Variants in GRID1 observed in about 807,000 individuals in gnomAD.
GRID1 encodes glutamate ionotropic receptor delta type subunit 1, also known as glutamate receptor ionotropic, delta-1.
In GRID1, 28 loss-of-function variants were observed where a neutral mutation model predicts 98.0. The observed-to-expected ratio is 0.29, with a 90% confidence interval of 0.21 to 0.39. GRID1 has a LOEUF of 0.39. Among genes scored for constraint, GRID1 ranks in the 10% least tolerant of loss-of-function variants. The pLI is 1.00. For synonymous variants in GRID1, 553 were observed against 538.5 expected, an observed-to-expected ratio of 1.03 and a Z score of -0.37; for missense variants, 1,111 against 1,340.5, an observed-to-expected ratio of 0.83 and a Z score of 2.67.
At chr10:85,946,396 G>A (rs548037242) in intron 4 of GRID1, among the ~76,000 whole-genome samples, 1 of 152,274 alleles carries the variant, frequency 6.6e-6, no homozygotes, top group South Asian at 2.1e-4. Context: ...GTGTCAACTC[G>A]TGTTAAATAT....
chr10:86,342,050 C>T (rs1222928035), intron 2 of GRID1, among the ~76,000 whole-genome samples: 1 of 152,156 alleles, frequency 6.6e-6, no homozygotes, highest in African/African-American at 2.4e-5. Context: ...CCCTGGGCCC[C>T]TCCAACTGAG....
At chr10:86,314,419 C>T (rs529243147) in intron 2 of GRID1, among the ~76,000 whole-genome samples, 1 of 152,374 alleles carries the variant, frequency 6.6e-6, no homozygotes, top group East Asian at 1.9e-4. Context: ...ACTCCTTGGG[C>T]TCTGGTGATC....
intron 9 of GRID1, among the ~76,000 whole-genome samples, chr10:85,729,281 T>C (rs1199098606): frequency 6.6e-6 from 1 of 152,172 alleles, no homozygotes; most frequent in East Asian, 1.9e-4. Flanking sequence ...GAAGTCCTTT[T>C]CTAGAGCAGC....
chr10:85,665,044 T>A (rs1841004160), intron 12 of GRID1, among the ~76,000 whole-genome samples: 1 of 152,210 alleles, frequency 6.6e-6, no homozygotes, highest in Non-Finnish European at 1.5e-5. Flanking sequence ...AAGTAATTCC[T>A]CAATAAATGA....
chr10:86,087,820 C>T (rs138673567), intron 4 of GRID1, among the ~76,000 whole-genome samples: 13 of 152,216 alleles, frequency 8.5e-5, no homozygotes, highest in Non-Finnish European at 1.8e-4. Flanking sequence ...GAGACCCCAC[C>T]GTGCAAAGGC....
chr10:86,162,928 A>C (rs1231115452), intron 3 of GRID1, among the ~76,000 whole-genome samples: 1 of 152,184 alleles, frequency 6.6e-6, no homozygotes, highest in East Asian at 1.9e-4. Context: ...CTGATCCATC[A>C]TCATGGGCAT....
At chr10:86,301,426 A>C (rs1026857128) in intron 2 of GRID1, among the ~76,000 whole-genome samples, 3 of 152,242 alleles carry the variant, frequency 2.0e-5, no homozygotes, top group Admixed American at 2.0e-4. Context: ...GAAGATATAA[A>C]ATTACACAGC....
At chr10:86,024,523 C>G (rs764021944) in intron 4 of GRID1, among the ~76,000 whole-genome samples, 4 of 152,206 alleles carry the variant, frequency 2.6e-5, no homozygotes, top group Non-Finnish European at 4.4e-5. Context: ...AAATGGTACA[C>G]AGTGATCCAT....
chr10:85,608,569 T>C (rs993191362), intron 15 of GRID1, among the ~76,000 whole-genome samples: 3 of 152,206 alleles, frequency 2.0e-5, no homozygotes, highest in African/African-American at 4.8e-5. Flanking sequence ...CCCTGGCACA[T>C]AGAAAGTGCT....
Position 86,131,689 on chromosome 10 carries a change from C to T in GRID1, c.726+7130G>A, listed in dbSNP as rs1029542738. Among the ~76,000 whole-genome samples the T allele has an allele frequency of 9.2e-5, 14 of 152,294 alleles. No individual in the cohort carries two copies. The East Asian group carries it at 2.5e-3, about 27-fold the overall frequency. On this transcript the variant is annotated intron_variant, in intron 4 of 15. Transcript: ENST00000327946. Reference sequence around the variant, plus strand: ...ACCAGAAAGTCCAGCGGCACTCAGGCCTTTTTCCCTGATGATTGCTTAGAT... The same window carrying T: ...ACCAGAAAGTCCAGCGGCACTCAGGTCTTTTTCCCTGATGATTGCTTAGAT...
chr10:85,786,032 T>C (rs1019271818), intron 8 of GRID1, among the ~76,000 whole-genome samples: 15 of 151,796 alleles, frequency 9.9e-5, no homozygotes, highest in Non-Finnish European at 1.9e-4. Context: ...CACATGCACA[T>C]ACCACAGACA....
intron 2 of GRID1, among the ~76,000 whole-genome samples, chr10:86,262,237 C>T (rs1260910815): frequency 6.6e-6 from 1 of 152,228 alleles, no homozygotes; most frequent in Non-Finnish European, 1.5e-5. Flanking sequence ...GGAAGCCAGG[C>T]AGAAACCAAG....
rs572530420 is a variant in GRID1, at chr10:85,632,514, G to A, written c.2194-12481C>T. Among the ~76,000 whole-genome samples, 23 of 152,128 alleles carry A rather than the reference G, an allele frequency of 1.5e-4. 1 individual carries two copies. The highest frequency in any genetic ancestry group is 9.7e-4 in the East Asian group (5 of 5,170). ...TAACAAGTTCCCACATGATGCTGGC[G>A]GTGTTGGAACAAGGCCCACCCTTTG... is the stretch of plus-strand genomic sequence containing the variant. On this transcript the variant is annotated intron_variant, in intron 13 of 15. Transcript: ENST00000327946.
chr10:85,770,308 A>G (rs957795385), intron 8 of GRID1, among the ~76,000 whole-genome samples: 1 of 152,204 alleles, frequency 6.6e-6, no homozygotes, highest in African/African-American at 2.4e-5. Context: ...AAGGACATCC[A>G]CACCAAAAAC....
intron 4 of GRID1, among the ~76,000 whole-genome samples, chr10:86,055,786 G>A (rs10887552): frequency 6.8e-6 from 1 of 147,834 alleles, no homozygotes; most frequent in Non-Finnish European, 1.5e-5. Context: ...GAGAAGAAAC[G>A]CCAGAACCAG....
At chr10:86,207,062 T>C (rs1846036633) in intron 2 of GRID1, among the ~76,000 whole-genome samples, 2 of 152,104 alleles carry the variant, frequency 1.3e-5, no homozygotes, top group African/African-American at 4.8e-5. Flanking sequence ...GATCTGTGCA[T>C]CCTCATGCCT....
chr10:86,194,247 G>A lies in GRID1; in HGVS notation c.520+12117C>T, dbSNP rs1363888269. ...TGCATGAGGATGTATCCACGGCTGC[G>A]CACTACAGCCCTGTGTGACGGCCAA... On this transcript the variant is annotated intron_variant, in intron 3 of 15. Coordinates refer to ENST00000327946, the MANE Select transcript of GRID1 (RefSeq NM_017551.3). Among the ~76,000 whole-genome samples, 9 of 152,082 alleles carry A rather than the reference G, an allele frequency of 5.9e-5. 1 individual carries two copies. Among genetic ancestry groups the A allele is most frequent in the East Asian group, 1.9e-4 (1 of 5,198 alleles).
chr10:85,687,502 T>A (rs905301108), intron 12 of GRID1, among the ~76,000 whole-genome samples: 1 of 152,102 alleles, frequency 6.6e-6, no homozygotes, highest in South Asian at 2.1e-4. Flanking sequence ...CGGTGGATCA[T>A]GCCTGTCATC....
chr10:86,251,597 T>C (rs1389576238), intron 2 of GRID1, among the ~76,000 whole-genome samples: 1 of 151,980 alleles, frequency 6.6e-6, no homozygotes, highest in Non-Finnish European at 1.5e-5. Context: ...AGGAGTGGCC[T>C]GGGGATCTGG....
Sources: allele counts gnomAD v4.1 joint callset (sites outside exome capture counted in the v4.1 genomes callset), GRCh38; gene constraint gnomAD v4.1.1; transcripts MANE v1.5; gene names NCBI Gene and HGNC (gene_info 2026-07-23, HGNC 2026-07-21).